The following RGS22 variants were observed in gnomAD, a reference collection of about 807,000 sequenced individuals.
RGS22 encodes regulator of G protein signaling 22.
In RGS22, 148 loss-of-function variants were observed where a neutral mutation model predicts 172.9. That is an observed-to-expected ratio of 0.86 (90% confidence interval 0.75 to 0.98). The LOEUF (loss-of-function observed/expected upper bound fraction) is 0.98, where lower values mean the gene tolerates loss of function less well. Among genes scored for constraint, RGS22 ranks in the 50% least tolerant of loss-of-function variants. The pLI, the probability that RGS22 is intolerant of heterozygous loss-of-function variation, is 0.00. For missense variants in RGS22, 1,347 were observed against 1,440.8 expected, an observed-to-expected ratio of 0.93 and a Z score of 1.05; for synonymous variants, 458 against 480.2, an observed-to-expected ratio of 0.95 and a Z score of 0.60.
At chr8:100,046,505 A>G (rs1259050452) in intron 11 of RGS22, 1 of 151,356 alleles carries the variant, frequency 6.6e-6, no homozygotes, top group Admixed American at 6.6e-5. Flanking sequence ...CAATTTAAAA[A>G]AAAAAGAATT....
chr8:100,009,232 A>G (rs1170069330), intron 14 of RGS22, among the ~76,000 whole-genome samples: 1 of 152,116 alleles, frequency 6.6e-6, no homozygotes, highest in South Asian at 2.1e-4. Flanking sequence ...AGCCTGGCCA[A>G]TATGGTGAAC....
chr8:100,029,519 T>G (rs1247342224), intron 14 of RGS22, among the ~76,000 whole-genome samples: 1 of 151,918 alleles, frequency 6.6e-6, no homozygotes, highest in African/African-American at 2.4e-5. Context: ...CTGACCAGCA[T>G]GGTGAAACCC....
intron 20 of RGS22, among the ~76,000 whole-genome samples, chr8:99,990,695 A>G (rs1813624138): frequency 2.0e-5 from 3 of 152,224 alleles, no homozygotes; most frequent in Admixed American, 2.0e-4. Flanking sequence ...TGGGCAGGGC[A>G]TAACTGAACA....
intron 4 of RGS22, among the ~76,000 whole-genome samples, chr8:100,077,823 C>A (rs145653942): frequency 1.9e-3 from 292 of 152,284 alleles, no homozygotes; most frequent in African/African-American, 6.5e-3. Context: ...GTGCTTTAGT[C>A]TCCAACTATA....
intron 20 of RGS22, among the ~76,000 whole-genome samples, chr8:99,989,346 G>A (rs1813436780): frequency 6.6e-6 from 1 of 152,116 alleles, no homozygotes; most frequent in East Asian, 1.9e-4. Flanking sequence ...TTCTAGCCAG[G>A]TATTATATTG....
chr8:99,979,432 A>G (rs1392847470), intron 22 of RGS22, among the ~76,000 whole-genome samples: 4 of 152,196 alleles, frequency 2.6e-5, no homozygotes, highest in Non-Finnish European at 5.9e-5. Flanking sequence ...ATTACCCTGT[A>G]CCTCTCTAAT....
intron 23 of RGS22, among the ~76,000 whole-genome samples, chr8:99,971,574 C>T (rs148208286): frequency 2.0e-3 from 300 of 152,208 alleles, no homozygotes; most frequent in Non-Finnish European, 3.4e-3. Context: ...CATTCCCATA[C>T]ACCAATAATA....
In RGS22 at chr8:100,071,542, AT is replaced by A; in HGVS notation, c.426-6del. On this transcript the variant is annotated splice_polypyrimidine_tract_variant and splice_region_variant and intron_variant, in intron 5 of 27. Coordinates refer to ENST00000360863, the MANE Select transcript of RGS22 (RefSeq NM_015668.5). ...TGTGAGACCAATTTGGCTAACCTGC[AT>A]TTTAGAAATCATACAAATTTAAAAC... 6.3e-7 allele frequency: 1 copy of A among 1,581,350 alleles called. No individual in the cohort carries two copies. Among genetic ancestry groups the A allele is most frequent in the Non-Finnish European group, 8.6e-7 (1 of 1,167,598 alleles).
chr8:100,099,076 C>A (rs1048300206), intron 2 of RGS22, among the ~76,000 whole-genome samples: 1 of 151,806 alleles, frequency 6.6e-6, no homozygotes, highest in Non-Finnish European at 1.5e-5. Flanking sequence ...CCACCAAGCC[C>A]AGCTAGTTTT....
chr8:100,012,183 G>A (rs1816456782), intron 14 of RGS22, among the ~76,000 whole-genome samples: 4 of 151,938 alleles, frequency 2.6e-5, no homozygotes, highest in Non-Finnish European at 5.9e-5. Context: ...CTACTGTGAG[G>A]TCCATGACAC....
chr8:100,058,048 T>A (rs947069195), intron 9 of RGS22, among the ~76,000 whole-genome samples: 3 of 152,094 alleles, frequency 2.0e-5, no homozygotes, highest in African/African-American at 7.2e-5. Context: ...CAAGCAGCAA[T>A]TCTGGAGCTG....
chr8:100,016,969 C>T (rs1169525208), intron 14 of RGS22, among the ~76,000 whole-genome samples: 1 of 124,428 alleles, frequency 8.0e-6, no homozygotes, highest in Admixed American at 9.4e-5. Flanking sequence ...TCCCTGATTC[C>T]TTACCAGTCT....
chr8:99,995,668 G>A (rs1408002690), intron 20 of RGS22, among the ~76,000 whole-genome samples: 1 of 152,240 alleles, frequency 6.6e-6, no homozygotes, highest in Non-Finnish European at 1.5e-5. Flanking sequence ...TGGTGAGAGT[G>A]TAAATTGGTT....
At chr8:100,046,563 C>G (rs1820740796) in intron 11 of RGS22, 1 of 149,676 alleles carries the variant, frequency 6.7e-6, no homozygotes, top group Non-Finnish European at 1.5e-5. Flanking sequence ...AGCTCATTAA[C>G]TGCTACTTTT....
chr8:99,987,765 G>A (rs138063222), intron 20 of RGS22, 146 bp from the exon 21 acceptor site: 136 of 495,064 alleles, frequency 2.7e-4, no homozygotes, highest in African/African-American at 2.5e-3. Context: ...TTTCTCTTTT[G>A]TCTCCTTTAT....
intron 19 of RGS22, among the ~76,000 whole-genome samples, chr8:99,998,394 G>A (rs1293709282): frequency 7.7e-6 from 1 of 130,444 alleles, no homozygotes; most frequent in African/African-American, 2.5e-5. Flanking sequence ...CTAATATGTG[G>A]CAGTGTTGAG....
intron 23 of RGS22, among the ~76,000 whole-genome samples, chr8:99,974,325 C>T (rs1811689061): frequency 1.3e-5 from 2 of 152,042 alleles, no homozygotes; most frequent in African/African-American, 4.8e-5. Flanking sequence ...ATTACAACAG[C>T]ATAAGCAACA....
chr8:100,018,705 C>A (rs558445219), intron 14 of RGS22, among the ~76,000 whole-genome samples: 1 of 152,138 alleles, frequency 6.6e-6, no homozygotes, highest in Admixed American at 6.6e-5. Flanking sequence ...ATTTAAAATA[C>A]GACATTTCCC....
At chr8:100,031,663 G>A (rs1049794617) in intron 14 of RGS22, among the ~76,000 whole-genome samples, 69 of 152,102 alleles carry the variant, frequency 4.5e-4, no homozygotes, top group Admixed American at 6.6e-4. Flanking sequence ...ATGCTATGGA[G>A]AGTGATAGAT....
Sources: allele counts gnomAD v4.1 joint callset (sites outside exome capture counted in the v4.1 genomes callset), GRCh38; gene constraint gnomAD v4.1.1; transcripts MANE v1.5; gene names NCBI Gene and HGNC (gene_info 2026-07-23, HGNC 2026-07-21).